IFT52: variants seen among roughly 807,000 people sequenced by gnomAD.
IFT52 encodes the protein intraflagellar transport protein 52 homolog.
Under a neutral mutation model 54.4 loss-of-function variants are expected in IFT52, and 44 were observed. That is an observed-to-expected ratio of 0.81 (90% CI 0.63 to 1.04). IFT52 has a LOEUF of 1.04. Ranked by LOEUF, IFT52 falls within the 50% of genes least tolerant of loss-of-function variation. The probability of loss-of-function intolerance (pLI) is 0.00; values close to 1 mark genes in which losing one functional copy is unlikely to be tolerated. For synonymous variants in IFT52, 181 were observed against 185.3 expected (o/e 0.98, Z 0.19); for missense variants, 452 against 523.6 (o/e 0.86, Z 1.33).
intron 6 of IFT52, among the ~76,000 whole-genome samples, chr20:43,609,577 G>C (rs1008688191): frequency 6.6e-6 from 1 of 152,002 alleles, no homozygotes; most frequent in Non-Finnish European, 1.5e-5. Flanking sequence ...TTCAAGACCA[G>C]CCTGACCAAC....
chr20:43,621,136 G>A (rs1984269385), intron 9 of IFT52: 1 of 440,630 alleles, frequency 2.3e-6, no homozygotes, highest in Admixed American at 3.8e-5. Context: ...ATTGGAGGGG[G>A]AGCATACATA....
chr20:43,642,342 T>A (rs1985972380), intron 12 of IFT52, 137 bp from the exon 13 acceptor site: 1 of 743,930 alleles, frequency 1.3e-6, no homozygotes, highest in African/African-American at 1.8e-5. Flanking sequence ...AATCCTGTAG[T>A]CACATTACTT....
intron 10 of IFT52, among the ~76,000 whole-genome samples, chr20:43,628,769 T>C (rs1389898177): frequency 1.3e-4 from 19 of 151,814 alleles, no homozygotes; most frequent in Non-Finnish European, 4.4e-5. Flanking sequence ...AAGAATCTCT[T>C]GAACCTGGGA....
intron 10 of IFT52, among the ~76,000 whole-genome samples, chr20:43,625,783 C>T (rs1426696651): frequency 6.6e-6 from 1 of 151,990 alleles, no homozygotes; most frequent in Non-Finnish European, 1.5e-5. Flanking sequence ...ACTTCCTTGG[C>T]TTTCACTCTG....
chr20:43,633,189 C>A (rs192356191), intron 10 of IFT52, among the ~76,000 whole-genome samples: 4,587 of 151,562 alleles, frequency 0.03, 92 homozygotes, highest in Middle Eastern at 0.099. Flanking sequence ...ACTAAAAATA[C>A]AAAATTAGCC....
chr20:43,605,068 T>C lies in IFT52; in HGVS notation c.480T>C (p.Asn160=). Residue 160 remains asparagine, a synonymous_variant, in exon 6 of 14, where the codon AAT becomes AAC. Coordinates refer to ENST00000373030, the MANE Select transcript of IFT52 (RefSeq NM_016004.5). ...GIIDEESSGN[N]AQALTFVYPF... The stretch of plus-strand genomic sequence containing the variant: ...TTGATGAGGAAAGCAGTGGAAACAA[T>C]GCCCAGTGAGTGTGTTTTCTGATGC... The C allele has an allele frequency of 6.2e-7, 1 of 1,613,530 alleles. No individual in the cohort carries two copies. Among genetic ancestry groups the C allele is most frequent in the South Asian group, 1.1e-5 (1 of 90,954 alleles).
chr20:43,646,051 A>G (rs1986175987), intron 13 of IFT52, among the ~76,000 whole-genome samples: 1 of 151,718 alleles, frequency 6.6e-6, no homozygotes. Flanking sequence ...CACTACAAAT[A>G]CAAAAAAAAA....
At chr20:43,602,854 T>G (rs375352293) in intron 3 of IFT52, among the ~76,000 whole-genome samples, 2 of 152,246 alleles carry the variant, frequency 1.3e-5, no homozygotes, top group African/African-American at 4.8e-5. Context: ...GGCCGTGCTG[T>G]GGCAAATCTA....
At chr20:43,594,867 G>C (rs773019549) in intron 2 of IFT52, 50 bp downstream of exon 2, 3 of 951,080 alleles carry the variant, frequency 3.2e-6, no homozygotes, top group Non-Finnish European at 5.2e-6. Context: ...TTGTCCTGCT[G>C]ATAAAGCTGA....
rs1017310115 is a variant in IFT52, at chr20:43,642,327, G to A, written c.1121-152G>A. On this transcript the variant is annotated intron_variant, in intron 12 of 13. Transcript: ENST00000373030. The stretch of plus-strand genomic sequence containing the variant: ...TTAGAGAGCTCTAGGGTTTTTCAGT[G>A]TTGAAATCCTGTAGTCACATTACTT... The A allele has an allele frequency of 3.9e-5, 26 of 671,866 alleles. No individual in the cohort carries two copies. In the African/African-American group the frequency reaches 4.4e-4, roughly 11 times the overall value. 41.6% of individuals were successfully genotyped at this position (671,866 alleles called of 1,614,324 possible). A position where few individuals can be genotyped will look rare whatever the true frequency, so the allele number is the denominator to read the frequency against.
intron 12 of IFT52, among the ~76,000 whole-genome samples, chr20:43,638,267 G>A (rs1985681025): frequency 6.6e-6 from 1 of 151,932 alleles, no homozygotes; most frequent in African/African-American, 2.4e-5. Flanking sequence ...CTCAGCTCGA[G>A]GTAACCTCCG....
intron 3 of IFT52, among the ~76,000 whole-genome samples, chr20:43,598,916 A>G (rs2145589040): frequency 6.6e-6 from 1 of 152,034 alleles, no homozygotes; most frequent in East Asian, 1.9e-4. Context: ...CCTTAGATTG[A>G]GGCAGGCCAA....
At chr20:43,623,835 G>T in intron 9 of IFT52, 56 bp from the exon 10 acceptor site, 1 of 1,568,588 alleles carries the variant, frequency 6.4e-7, no homozygotes, top group South Asian at 1.2e-5. Flanking sequence ...GTGGAGACTT[G>T]ACAGAATAAA....
At chr20:43,619,541 G>T (rs1984109994) in intron 8 of IFT52, among the ~76,000 whole-genome samples, 1 of 152,136 alleles carries the variant, frequency 6.6e-6, no homozygotes. Context: ...AGGTGGTGGT[G>T]TCACCAGGCA....
chr20:43,599,235 G>C (rs1216124937), intron 3 of IFT52, among the ~76,000 whole-genome samples: 1 of 152,096 alleles, frequency 6.6e-6, no homozygotes, highest in South Asian at 2.1e-4. Flanking sequence ...TCCACCTAGC[G>C]AAGCCAATGA....
At chr20:43,608,598 A>G (rs1983163508) in intron 6 of IFT52, among the ~76,000 whole-genome samples, 1 of 152,140 alleles carries the variant, frequency 6.6e-6, no homozygotes, top group Non-Finnish European at 1.5e-5. Flanking sequence ...GCATGTTACA[A>G]AGTTTTAGTA....
chr20:43,617,031 T>A (rs1983910021), intron 7 of IFT52, among the ~76,000 whole-genome samples: 1 of 152,008 alleles, frequency 6.6e-6, no homozygotes, highest in Admixed American at 6.6e-5. Flanking sequence ...GGAAAAAAAT[T>A]ATAGTATACT....
chr20:43,632,005 A>G (rs1985205320), intron 10 of IFT52, among the ~76,000 whole-genome samples: 1 of 149,986 alleles, frequency 6.7e-6, no homozygotes, highest in Admixed American at 6.6e-5. Context: ...CGCTCACCAC[A>G]ACCTCCGCCT....
chr20:43,609,497 C>T lies in IFT52; in HGVS notation c.486-4353C>T, dbSNP rs546084271. On this transcript the variant is annotated intron_variant, in intron 6 of 13. Coordinates refer to ENST00000373030, the MANE Select transcript of IFT52 (RefSeq NM_016004.5). The stretch of plus-strand genomic sequence containing the variant: ...ATTAAAAATGAAAGCATATGCCGGA[C>T]GCGGTGGCTCACGCCTGTAATCCCA... Among the ~76,000 whole-genome samples the T allele has an allele frequency of 9.3e-4, 142 of 152,002 alleles. 2 individuals are homozygous for T. The highest frequency in any genetic ancestry group is 3.2e-3 in the African/African-American group (132 of 41,460).
Sources: allele counts gnomAD v4.1 joint callset (sites outside exome capture counted in the v4.1 genomes callset), GRCh38; gene constraint gnomAD v4.1.1; transcripts MANE v1.5; gene names NCBI Gene and HGNC (gene_info 2026-07-23, HGNC 2026-07-21).